Variants in NCKIPSD observed in about 807,000 individuals in gnomAD.
NCKIPSD encodes NCK interacting protein with SH3 domain, also known as NCK-interacting protein with SH3 domain.
A neutral mutation model predicts 73.4 loss-of-function variants in NCKIPSD; 48 were observed. The observed-to-expected ratio is 0.65, with a 90% CI of 0.52 to 0.83. The LOEUF (loss-of-function observed/expected upper bound fraction) is 0.83, where lower values mean the gene tolerates loss of function less well. Among genes scored for constraint, NCKIPSD ranks in the 40% least tolerant of loss-of-function variants. The probability of loss-of-function intolerance (pLI) is 0.00; values close to 1 mark genes in which losing one functional copy is unlikely to be tolerated. For missense variants in NCKIPSD, 884 were observed against 970.2 expected (o/e 0.91, Z 1.18); for synonymous variants, 422 against 403.6 (o/e 1.05, Z -0.54).
chr3:48,678,595 C>T lies in NCKIPSD; in HGVS notation c.1934G>A (p.Arg645Gln), dbSNP rs147029935. The change falls in exon 12 of 13, where the codon CGG (arginine) becomes CAG (glutamine). Residue 645 changes from arginine to glutamine, a missense_variant. Arg to Gln is a conservative substitution (Grantham distance 43, BLOSUM62 1). Transcript: ENST00000294129. ...TCCTGGTGACAGGTCTGCGATGTGCCGCACAGTGATGTCAATGAGAGCCAT... is the reference window on the plus strand; with the variant it reads ...TCCTGGTGACAGGTCTGCGATGTGCTGCACAGTGATGTCAATGAGAGCCAT... ...DMMALIDITV[R>Q]HIADLSPGDK... 9.3e-6 allele frequency: 15 copies of T among 1,613,858 alleles called. No individual in the cohort carries two copies. The highest frequency in any genetic ancestry group is 1.7e-5 in the Admixed American group (1 of 60,008).
Position 48,682,395 on chromosome 3 carries a change from T to C in NCKIPSD, c.439A>G (p.Ser147Gly), listed in dbSNP as rs758361802. The change falls in exon 3 of 13, where the codon AGC (serine) becomes GGC (glycine). Residue 147 changes from serine to glycine, a missense_variant. Physicochemically the swap from Ser to Gly is moderately conservative, Grantham distance 56. Transcript: ENST00000294129. ...CCAAGATGCTCAGAACTGGGTAGGC[T>C]GTGCTGCCGCTCGAACCCAGCTCGA... ...VCRAGFERQH[S>G]LPSSEHLGAD... 1.1e-5 allele frequency: 18 copies of C among 1,614,022 alleles called. No individual in the cohort carries two copies. Among genetic ancestry groups the C allele is most frequent in the African/African-American group, 2.7e-5 (2 of 74,914 alleles).
rs376827011 is a variant in NCKIPSD, at chr3:48,675,142, CCT to C, written c.1966-397_1966-396del. Among the ~76,000 whole-genome samples, 277 of 152,180 alleles carry C rather than the reference CCT, an allele frequency of 1.8e-3. 1 individual carries two copies. Among genetic ancestry groups the C allele is most frequent in the African/African-American group, 6.4e-3 (267 of 41,500 alleles). On this transcript the variant is annotated intron_variant, in intron 12 of 12. Transcript: ENST00000294129. ...TCTCATACCTCTTACCTAGAACTCC[CCT>C]GTGAGCTCCAGACAAGAATATTCAA... is the stretch of plus-strand genomic sequence containing the variant.
intron 1 of NCKIPSD, 38 bp downstream of exon 1, chr3:48,685,599 C>CAGGGGCGCGGAGGCCGGGCGGGA: frequency 6.7e-7 from 1 of 1,502,312 alleles, no homozygotes. Flanking sequence ...GGTCCTGCCC[C>CAGGGGCGCGGAGGCCGGGCGGGA]AGGGGCGCGG....
At chr3:48,677,825 C>T (rs941606366) in intron 12 of NCKIPSD, among the ~76,000 whole-genome samples, 4 of 152,242 alleles carry the variant, frequency 2.6e-5, no homozygotes, top group Non-Finnish European at 5.9e-5. Context: ...GCCTATCTAT[C>T]TCATTTCTGA....
chr3:48,677,807 G>T (rs1341986214), intron 12 of NCKIPSD, among the ~76,000 whole-genome samples: 1 of 152,092 alleles, frequency 6.6e-6, no homozygotes, highest in South Asian at 2.1e-4. Flanking sequence ...CGAACTTCCC[G>T]CTGACCTGCC....
intron 1 of NCKIPSD, among the ~76,000 whole-genome samples, chr3:48,683,349 G>A (rs576466628): frequency 2.0e-5 from 3 of 152,292 alleles, no homozygotes; most frequent in East Asian, 3.9e-4. Context: ...AGCCAGGAGC[G>A]CATACCTCGT....
chr3:48,675,528 GAT>G (rs5848856), intron 12 of NCKIPSD, among the ~76,000 whole-genome samples: 77 of 122,288 alleles, frequency 6.3e-4, no homozygotes, highest in East Asian at 3.1e-3. Flanking sequence ...ATATATATAT[GAT>G]ATATATATAT....
At chr3:48,684,617 G>C (rs1026402740) in intron 1 of NCKIPSD, among the ~76,000 whole-genome samples, 2 of 152,220 alleles carry the variant, frequency 1.3e-5, no homozygotes, top group African/African-American at 4.8e-5. Flanking sequence ...TAAGGACTAG[G>C]ACGGGGCGGG....
In NCKIPSD at chr3:48,685,904, G is replaced by A. The variant is rs1271719500; in HGVS notation, c.-97C>T. ...AGCCGCGCCGCGGTTGTCCCGCCCCGTGACACACTACGCAGGCGCGCGCGC... is the reference window on the plus strand; with the variant it reads ...AGCCGCGCCGCGGTTGTCCCGCCCCATGACACACTACGCAGGCGCGCGCGC... On this transcript the variant is annotated 5_prime_UTR_variant, in exon 1 of 13. The change creates a new upstream start codon in the 5' untranslated region. Transcript: ENST00000294129. The A allele has an allele frequency of 8.3e-6, 10 of 1,203,248 alleles. No homozygotes were observed. Among genetic ancestry groups the A allele is most frequent in the Non-Finnish European group, 9.7e-6 (9 of 931,366 alleles). 74.5% of individuals were successfully genotyped at this position (1,203,248 alleles called of 1,614,324 possible). A position where few individuals can be genotyped will look rare whatever the true frequency, so the allele number is the denominator to read the frequency against.
At position 48,674,409 on chromosome 3, in the gene NCKIPSD, T is replaced by G; in HGVS notation, c.*135A>C. ...CTTGGCCCCTCTCTTAAGTTCTACT[T>G]CAGGTGGGGGTCCTGCTCAGGTTCC... On this transcript the variant is annotated 3_prime_UTR_variant, in exon 13 of 13. Coordinates refer to ENST00000294129, the MANE Select transcript of NCKIPSD (RefSeq NM_016453.4). 6.8e-7 allele frequency: 1 copy of G among 1,464,558 alleles called. No individual in the cohort carries two copies. Among genetic ancestry groups the G allele is most frequent in the African/African-American group, 1.4e-5 (1 of 71,244 alleles). 90.7% of individuals were successfully genotyped at this position (1,464,558 alleles called of 1,614,324 possible).
chr3:48,685,745 G>C lies in NCKIPSD; in HGVS notation c.63C>G (p.Gly21=), dbSNP rs772494998. 6.5e-7 allele frequency: 1 copy of C among 1,532,070 alleles called. No homozygotes were observed. The highest frequency in any genetic ancestry group is 2.5e-5 in the East Asian group (1 of 39,476). 94.9% of individuals were successfully genotyped at this position (1,532,070 alleles called of 1,614,324 possible). A position where few individuals can be genotyped will look rare whatever the true frequency, so the allele number is the denominator to read the frequency against. The part of the protein sequence containing the change: ...AEPNALAFAA[G]ETFLVLERSS... ...TTCGCTCTAGCACCAGGAAGGTCTC[G>C]CCCGCGGCGAACGCCAGCGCGTTGG... The change falls in exon 1 of 13, where the codon GGC becomes GGG. Residue 21 remains glycine, a synonymous_variant. Coordinates refer to ENST00000294129, the MANE Select transcript of NCKIPSD (RefSeq NM_016453.4).
Position 48,678,748 on chromosome 3 carries a change from G to C in NCKIPSD, c.1793-12C>G. On this transcript the variant is annotated splice_polypyrimidine_tract_variant and intron_variant, in intron 11 of 12. Coordinates refer to ENST00000294129, the MANE Select transcript of NCKIPSD (RefSeq NM_016453.4). ...GCGCACAGGGTCATCTAGGAGGCAG[G>C]GGTCATAGCGGTCAGGGTGGACCTT... is the stretch of plus-strand genomic sequence containing the variant. 1 of 1,612,512 alleles carries C rather than the reference G, an allele frequency of 6.2e-7. No individual in the cohort carries two copies. The highest frequency in any genetic ancestry group is 8.5e-7 in the Non-Finnish European group (1 of 1,179,088).
rs768395596 is a variant in NCKIPSD at position 48,681,507 on chromosome 3, C to T, written c.872G>A (p.Gly291Asp). Residue 291 changes from glycine (G) to aspartate (D), a missense_variant, in exon 5 of 13, where the codon GGT becomes GAT. By Grantham distance (94) the Gly-to-Asp change is moderately conservative. Transcript: ENST00000294129. The stretch of plus-strand genomic sequence containing the variant: ...CTCTGTGGTCCCCAGGCTCAGTGTA[C>T]CCAGGGCTTCCAGGTCATCAGAGGC... ...TSASDDLEALGTLSLGTTEEK... is the reference protein window; with the variant it reads ...TSASDDLEALDTLSLGTTEEK... The T allele has an allele frequency of 7.4e-6, 12 of 1,614,030 alleles. No individual in the cohort carries two copies. In the East Asian group the frequency reaches 2.7e-4, roughly 36 times the overall value.
Position 48,681,307 on chromosome 3 carries a change from G to A in NCKIPSD, c.1072C>T (p.Leu358Phe). ...CTCACCTTGCCCTCTACGAGTGAGA[G>A]GAGGACCTGCTCCATGACTGGTGAG... ...ASSPVMEQVL[L>F]SLVEGKDLSM... Residue 358 changes from leucine (L) to phenylalanine (F), a missense_variant, in exon 5 of 13, where the codon CTC (leucine) becomes TTC (phenylalanine). Leu to Phe is a conservative substitution (Grantham distance 22). Transcript: ENST00000294129. 6.2e-7 allele frequency: 1 copy of A among 1,607,384 alleles called. No individual in the cohort carries two copies. Among genetic ancestry groups the A allele is most frequent in the Non-Finnish European group, 8.5e-7 (1 of 1,178,496 alleles).
Position 48,674,085 on chromosome 3 carries a change from T to A in NCKIPSD, c.*459A>T. Reference sequence around the variant, plus strand: ...AAGGGCAGCGACCCCCATGTGCGGGTGGAGGGGAGGACATGAGCAGCACTC... The same window carrying A: ...AAGGGCAGCGACCCCCATGTGCGGGAGGAGGGGAGGACATGAGCAGCACTC... On this transcript the variant is annotated 3_prime_UTR_variant, in exon 13 of 13. Coordinates refer to ENST00000294129, the MANE Select transcript of NCKIPSD (RefSeq NM_016453.4). The A allele has an allele frequency of 9.3e-6, 10 of 1,080,776 alleles. No homozygotes were observed. The highest frequency in any genetic ancestry group is 1.1e-5 in the Non-Finnish European group (10 of 887,930). The allele number at this position is 1,080,776 out of a possible 1,614,324, so 66.9% of individuals were successfully genotyped here. A position where few individuals can be genotyped will look rare whatever the true frequency, so the allele number is the denominator to read the frequency against.
In NCKIPSD at chr3:48,685,619, G is replaced by T; in HGVS notation, c.171+18C>A. 6.6e-7 allele frequency: 1 copy of T among 1,514,458 alleles called. No homozygotes were observed. Among genetic ancestry groups the T allele is most frequent in the South Asian group, 1.2e-5 (1 of 82,686 alleles). 93.8% of individuals were successfully genotyped at this position (1,514,458 alleles called of 1,614,324 possible). A position where few individuals can be genotyped will look rare whatever the true frequency, so the allele number is the denominator to read the frequency against. On this transcript the variant is annotated intron_variant, in intron 1 of 12. Transcript: ENST00000294129. ...TGCCCCAGGGGCGCGGAGGCCGGGC[G>T]GGAAGGGGCGCACTCACCTGCAGGC...
chr3:48,675,917 C>T (rs891971220), intron 12 of NCKIPSD, among the ~76,000 whole-genome samples: 3 of 152,156 alleles, frequency 2.0e-5, no homozygotes, highest in African/African-American at 4.8e-5. Context: ...CTTCCCTCAA[C>T]ATCCCTCATT....
At position 48,684,234 on chromosome 3, in the gene NCKIPSD, A is replaced by C. The variant is rs114515874; in HGVS notation, c.172-1222T>G. On this transcript the variant is annotated intron_variant, in intron 1 of 12. Coordinates refer to ENST00000294129, the MANE Select transcript of NCKIPSD (RefSeq NM_016453.4). ...TCCAGACAGAAAGAGACACGCAGAA[A>C]GAAACAGACAGTGACAGAGAAGATG... Among the ~76,000 whole-genome samples the C allele has an allele frequency of 5.9e-3, 904 of 152,302 alleles. 10 individuals are homozygous for C. Among genetic ancestry groups the C allele is most frequent in the African/African-American group, 0.021 (870 of 41,546 alleles).
chr3:48,681,436 C>T lies in NCKIPSD; in HGVS notation c.943G>A (p.Glu315Lys), dbSNP rs975620165. Reference protein sequence around the residue: ...EAAVPRTIGAELMELVRRNTG... With the variant: ...EAAVPRTIGAKLMELVRRNTG... Reference sequence around the variant, plus strand: ...TTTCTCCGCACCAGCTCCATCAGCTCGGCCCCAATGGTCCTGGGCACAGCC... The same window carrying T: ...TTTCTCCGCACCAGCTCCATCAGCTTGGCCCCAATGGTCCTGGGCACAGCC... Residue 315 changes from glutamate (E) to lysine (K), a missense_variant, in exon 5 of 13, where the codon GAG becomes AAG. Transcript: ENST00000294129. 1.2e-6 allele frequency: 2 copies of T among 1,614,082 alleles called. No homozygotes were observed. The highest frequency in any genetic ancestry group is 2.2e-5 in the East Asian group (1 of 44,890).
Sources: gnomAD v4.1 joint callset for allele counts (sites outside exome capture counted in the v4.1 genomes callset) on GRCh38, gnomAD v4.1.1 for gene constraint, MANE v1.5 for transcripts, NCBI Gene and HGNC (gene_info 2026-07-23, HGNC 2026-07-21) for gene names.